The following FAM107B variants were observed in gnomAD, a reference collection of about 807,000 sequenced individuals.
The protein encoded by FAM107B is family with sequence similarity 107 member B.
FAM107B carries 21 observed loss-of-function variants against 31.5 expected under a neutral mutation model. That is an observed-to-expected ratio of 0.67 (90% CI 0.47 to 0.96). The LOEUF (loss-of-function observed/expected upper bound fraction) is 0.96, where lower values mean the gene tolerates loss of function less well. Ranked by LOEUF, FAM107B falls within the 40% of genes least tolerant of loss-of-function variation. The pLI is 0.00. For missense variants in FAM107B, 452 were observed against 377.1 expected, an observed-to-expected ratio of 1.20 and a Z score of -1.64; for synonymous variants, 157 against 141.5, an observed-to-expected ratio of 1.11 and a Z score of -0.78.
intron 1 of FAM107B, among the ~76,000 whole-genome samples, chr10:14,758,952 G>A (rs1448558800): frequency 6.6e-6 from 1 of 150,750 alleles, no homozygotes; most frequent in Admixed American, 6.6e-5. Flanking sequence ...GCCGAGGCAG[G>A]TGGATCACCT....
chr10:14,767,575 A>T (rs1202290113), intron 1 of FAM107B, among the ~76,000 whole-genome samples: 7 of 152,182 alleles, frequency 4.6e-5, no homozygotes, highest in Non-Finnish European at 7.4e-5. Context: ...AACACATGTG[A>T]TCATCTCAAT....
In FAM107B at chr10:14,762,784, ACACACACACAC is replaced by A. The variant is rs1210366226; in HGVS notation, c.411+11458_411+11468del. Among the ~76,000 whole-genome samples the A allele has an allele frequency of 2.0e-5, 3 of 151,124 alleles. 1 individual carries two copies. Among genetic ancestry groups the A allele is most frequent in the African/African-American group, 7.4e-5 (3 of 40,802 alleles). On this transcript the variant is annotated intron_variant, in intron 1 of 4. Transcript: ENST00000181796. Reference sequence around the variant, plus strand: ...CACACACACACACACACACACACACACACACACACACACACACAAAAAGAACATGTCACATT... The same window carrying A: ...CACACACACACACACACACACACACAACACACAAAAAGAACATGTCACATT...
intron 2 of FAM107B, among the ~76,000 whole-genome samples, chr10:14,662,103 C>T (rs952372552): frequency 2.6e-5 from 4 of 152,164 alleles, no homozygotes; most frequent in Non-Finnish European, 4.4e-5. Flanking sequence ...ATAAACATAG[C>T]CCAGGTTCAG....
intron 2 of FAM107B, among the ~76,000 whole-genome samples, chr10:14,615,442 C>G (rs1296702111): frequency 6.6e-6 from 1 of 152,184 alleles, no homozygotes; most frequent in Non-Finnish European, 1.5e-5. Context: ...AAGCCTAGGC[C>G]TTGCTGAAGT....
chr10:14,579,163 T>C (rs919100744), intron 2 of FAM107B, among the ~76,000 whole-genome samples: 1 of 152,228 alleles, frequency 6.6e-6, no homozygotes, highest in Non-Finnish European at 1.5e-5. Context: ...GCTTCTGAAA[T>C]AATTACCAAT....
intron 2 of FAM107B, among the ~76,000 whole-genome samples, chr10:14,560,807 T>C: frequency 6.6e-6 from 1 of 152,206 alleles, no homozygotes; most frequent in East Asian, 1.9e-4. Flanking sequence ...GTTCAAAATA[T>C]GCCAAAGCCC....
At chr10:14,541,202 C>T (rs145854047) in intron 2 of FAM107B, among the ~76,000 whole-genome samples, 165 of 152,268 alleles carry the variant, frequency 1.1e-3, no homozygotes, top group Non-Finnish European at 1.9e-3. Flanking sequence ...CCATCCCCTC[C>T]GGTTGCCTTT....
intron 3 of FAM107B, among the ~76,000 whole-genome samples, chr10:14,525,729 A>G (rs1188997072): frequency 2.0e-5 from 3 of 152,198 alleles, no homozygotes; most frequent in East Asian, 1.9e-4. Flanking sequence ...TGAGGCTCTG[A>G]GCCTCTGTGG....
Position 14,700,467 on chromosome 10 carries a change from C to T in FAM107B, c.412-32776G>A, listed in dbSNP as rs538670953. Among the ~76,000 whole-genome samples the T allele has an allele frequency of 6.6e-5, 10 of 152,170 alleles. No individual in the cohort carries two copies. The East Asian group carries it at 1.9e-3, about 29-fold the overall frequency. ...AGCAAACCTTAAAGGTATTTCAGTG[C>T]TCGCATCGAATTTAACGCAGGGATA... On this transcript the variant is annotated intron_variant, in intron 1 of 4. Coordinates refer to ENST00000181796, the MANE Select transcript of FAM107B (RefSeq NM_031453.4).
At chr10:14,689,842 A>G (rs1233674411) in intron 1 of FAM107B, among the ~76,000 whole-genome samples, 2 of 151,968 alleles carry the variant, frequency 1.3e-5, no homozygotes, top group Non-Finnish European at 2.9e-5. Context: ...GCATTCCTAT[A>G]ATCCCAGCTA....
At chr10:14,532,935 T>C (rs1847182475) in intron 2 of FAM107B, among the ~76,000 whole-genome samples, 1 of 151,902 alleles carries the variant, frequency 6.6e-6, no homozygotes, top group African/African-American at 2.4e-5. Context: ...GAAGAGCGCA[T>C]GCAAAGGCCA....
intron 2 of FAM107B, among the ~76,000 whole-genome samples, chr10:14,539,329 G>A (rs943177897): frequency 2.6e-5 from 4 of 152,178 alleles, no homozygotes; most frequent in African/African-American, 4.8e-5. Flanking sequence ...AAGTGAGGCT[G>A]ATGGTCAAGC....
At chr10:14,567,744 G>C (rs931918919) in intron 2 of FAM107B, among the ~76,000 whole-genome samples, 1 of 152,202 alleles carries the variant, frequency 6.6e-6, no homozygotes, top group Non-Finnish European at 1.5e-5. Context: ...AAAATCTGAT[G>C]TTCTTATTGT....
intron 2 of FAM107B, among the ~76,000 whole-genome samples, chr10:14,645,179 C>T (rs1853722053): frequency 6.6e-6 from 1 of 152,218 alleles, no homozygotes; most frequent in Non-Finnish European, 1.5e-5. Context: ...TGATTCAGGA[C>T]ATGCTGCTGG....
intron 2 of FAM107B, among the ~76,000 whole-genome samples, chr10:14,559,617 T>C (rs1440256623): frequency 2.0e-5 from 3 of 151,476 alleles, no homozygotes; most frequent in African/African-American, 7.3e-5. Context: ...TCACCCAGGC[T>C]GGAGTGCAGT....
intron 2 of FAM107B, among the ~76,000 whole-genome samples, 179 bp downstream of exon 2, chr10:14,667,455 C>G (rs774653479): frequency 3.3e-5 from 5 of 152,236 alleles, no homozygotes; most frequent in Non-Finnish European, 7.3e-5. Context: ...TTTTCTGCAT[C>G]ACAACCAGAT....
At chr10:14,629,406 TTTA>T in intron 2 of FAM107B, among the ~76,000 whole-genome samples, 1 of 3,870 alleles carries the variant, frequency 2.6e-4, no homozygotes, top group African/African-American at 5.2e-4. Flanking sequence ...ATATTATATA[TTTA>T]ATATATATAA....
chr10:14,703,417 A>C (rs1588716609), intron 1 of FAM107B, among the ~76,000 whole-genome samples: 1 of 150,232 alleles, frequency 6.7e-6, no homozygotes, highest in Non-Finnish European at 1.5e-5. Flanking sequence ...GCTCACTGCA[A>C]CCTCCGCCTC....
intron 2 of FAM107B, among the ~76,000 whole-genome samples, chr10:14,560,365 A>G (rs1466647275): frequency 6.6e-6 from 1 of 152,240 alleles, no homozygotes; most frequent in East Asian, 1.9e-4. Flanking sequence ...AGTGTCACAT[A>G]TCGCATGCTA....
Sources: allele counts gnomAD v4.1 joint callset (sites outside exome capture counted in the v4.1 genomes callset), GRCh38; gene constraint gnomAD v4.1.1; transcripts MANE v1.5; gene names NCBI Gene and HGNC (gene_info 2026-07-23, HGNC 2026-07-21).